The following FAM186A variants were observed in gnomAD, a reference collection of about 807,000 sequenced individuals.
FAM186A encodes protein FAM186A.
In FAM186A, 163 loss-of-function variants were observed where a neutral mutation model predicts 216.8. The observed-to-expected ratio is 0.75, with a 90% CI of 0.66 to 0.86. The LOEUF is 0.86. FAM186A is among the 40% of genes least tolerant of loss of function. The probability of loss-of-function intolerance (pLI) is 0.00; values close to 1 mark genes in which losing one functional copy is unlikely to be tolerated. For synonymous variants in FAM186A, 805 were observed against 1,025.3 expected (o/e 0.79, Z 4.10); for missense variants, 2,184 against 2,746.2 (o/e 0.80, Z 4.58).
Position 50,354,486 on chromosome 12 carries a change from C to A in FAM186A, c.2346G>T (p.Glu782Asp). 1 of 1,551,630 alleles carries A rather than the reference C, an allele frequency of 6.4e-7. No homozygotes were observed. Among genetic ancestry groups the A allele is most frequent in the Non-Finnish European group, 8.7e-7 (1 of 1,147,002 alleles). ...KSESSTLLSY[E>D]STDPVINNLI... Reference sequence around the variant, plus strand: ...AATTGTTAATTACTGGATCTGTGCTCTCATATGAGAGGAGGGTACTGCTTT... The same window carrying A: ...AATTGTTAATTACTGGATCTGTGCTATCATATGAGAGGAGGGTACTGCTTT... The change falls in exon 4 of 8, where the codon GAG (glutamate) becomes GAT (aspartate). Residue 782 changes from glutamate to aspartate, a missense_variant. By Grantham distance (45) the Glu-to-Asp change is conservative. Transcript: ENST00000327337.
At position 50,356,148 on chromosome 12, in the gene FAM186A, A is replaced by G. The variant is rs1244689376; in HGVS notation, c.684T>C (p.Leu228=). The G allele has an allele frequency of 6.4e-7, 1 of 1,551,644 alleles. No homozygotes were observed. Residue 228 remains leucine (L), a synonymous_variant, in exon 4 of 8, where the codon CTT becomes CTC. Coordinates refer to ENST00000327337, the MANE Select transcript of FAM186A (RefSeq NM_001145475.3). The part of the protein sequence containing the change: ...LRPDQMISDQ[L]ATNTKVSEIQ... ...TTTCTGAAACCTTTGTATTTGTTGC[A>G]AGTTGATCACTAATCATCTGATCTG...
chr12:50,338,235 CTT>C (rs1942729571), intron 4 of FAM186A, among the ~76,000 whole-genome samples: 1 of 152,152 alleles, frequency 6.6e-6, no homozygotes, highest in African/African-American at 2.4e-5. Context: ...GAGTTTCGCT[CTT>C]GTTGCCCAGG....
At chr12:50,366,873 G>A (rs552211917) in intron 1 of FAM186A, among the ~76,000 whole-genome samples, 1 of 152,052 alleles carries the variant, frequency 6.6e-6, no homozygotes, top group African/African-American at 2.4e-5. Flanking sequence ...TATCAGCCAG[G>A]TATGGTGGTG....
chr12:50,345,340 G>A (rs2138767774), intron 4 of FAM186A, among the ~76,000 whole-genome samples: 1 of 152,182 alleles, frequency 6.6e-6, no homozygotes, highest in South Asian at 2.1e-4. Flanking sequence ...GGAGGCAGAG[G>A]TTGCAGTGAG....
At chr12:50,375,658 A>C (rs1314865724) in intron 1 of FAM186A, among the ~76,000 whole-genome samples, 5 of 149,804 alleles carry the variant, frequency 3.3e-5, no homozygotes, top group African/African-American at 1.2e-4. Flanking sequence ...CAGAGATTGC[A>C]GTGAGCCGAG....
chr12:50,389,269 G>T (rs1052968841), intron 1 of FAM186A, among the ~76,000 whole-genome samples: 1 of 151,866 alleles, frequency 6.6e-6, no homozygotes, highest in Non-Finnish European at 1.5e-5. Flanking sequence ...GGGAGGCCGA[G>T]GTGGGTGGAT....
intron 1 of FAM186A, among the ~76,000 whole-genome samples, chr12:50,395,139 T>C (rs1467423453): frequency 6.6e-6 from 1 of 152,180 alleles, no homozygotes; most frequent in East Asian, 1.9e-4. Context: ...ATGTCACCCA[T>C]GCTGAGTGGG....
chr12:50,362,133 C>T (rs1432157575), intron 2 of FAM186A, among the ~76,000 whole-genome samples: 1 of 151,944 alleles, frequency 6.6e-6, no homozygotes, highest in Non-Finnish European at 1.5e-5. Context: ...CCGCCACACC[C>T]AGCTAATTTT....
Position 50,355,961 on chromosome 12 carries a change from C to CAT in FAM186A, c.869_870dup (p.Ala291MetfsTer14). 6 of 1,551,560 alleles carry CAT rather than the reference C, an allele frequency of 3.9e-6. No individual in the cohort carries two copies. The highest frequency in any genetic ancestry group is 4.4e-6 in the Non-Finnish European group (5 of 1,146,978). On this transcript the variant is annotated frameshift_variant, in exon 4 of 8. Transcript: ENST00000327337. LOFTEE classifies it high-confidence loss of function. ...TTTTCTGCTTCACTTGTCTCATGTG[C>CAT]ATACACAGTGGAACTTTGGAAGTTA... is the stretch of plus-strand genomic sequence containing the variant.
chr12:50,343,367 T>C (rs1266249517), intron 4 of FAM186A, among the ~76,000 whole-genome samples: 1 of 152,188 alleles, frequency 6.6e-6, no homozygotes, highest in Non-Finnish European at 1.5e-5. Flanking sequence ...CATGTGAAAA[T>C]AAAGTGCTCA....
chr12:50,356,261 A>C lies in FAM186A; in HGVS notation c.584-13T>G, dbSNP rs1017100409. On this transcript the variant is annotated splice_polypyrimidine_tract_variant and intron_variant, in intron 3 of 7. Transcript: ENST00000327337. ...GTACCTCTAGATACTGAAGAACAAA[A>C]CATAAAACAGTGAGATGGCATTTTT... The C allele has an allele frequency of 1.3e-6, 2 of 1,505,862 alleles. No homozygotes were observed. Among genetic ancestry groups the C allele is most frequent in the Non-Finnish European group, 1.8e-6 (2 of 1,130,632 alleles). The allele number at this position is 1,505,862 out of a possible 1,614,324, so 93.3% of individuals were successfully genotyped here.
chr12:50,346,763 C>T (rs937968511), intron 4 of FAM186A, among the ~76,000 whole-genome samples: 6 of 152,036 alleles, frequency 3.9e-5, no homozygotes, highest in Non-Finnish European at 5.9e-5. Flanking sequence ...AGGAGAATGG[C>T]GTGAATGCGG....
chr12:50,381,673 C>G (rs7309896), intron 1 of FAM186A, among the ~76,000 whole-genome samples: 146,293 of 152,338 alleles, frequency 0.96, 70,512 homozygotes, highest in East Asian at 1. Context: ...AAGTCAAAAA[C>G]TAATAGAGCC....
chr12:50,363,760 T>TAA (rs751989324), intron 1 of FAM186A, among the ~76,000 whole-genome samples: 66 of 26,750 alleles, frequency 2.5e-3, no homozygotes, highest in African/African-American at 3.8e-3. Context: ...CTGTAGCTGC[T>TAA]AAAAAAAAAA....
intron 1 of FAM186A, among the ~76,000 whole-genome samples, chr12:50,380,190 A>G (rs202174995): frequency 1.3e-5 from 2 of 152,216 alleles, no homozygotes; most frequent in African/African-American, 4.8e-5. Context: ...AACTTCACTT[A>G]GAAGAAGATA....
At chr12:50,388,776 G>A (rs948506635) in intron 1 of FAM186A, among the ~76,000 whole-genome samples, 5 of 151,880 alleles carry the variant, frequency 3.3e-5, no homozygotes, top group African/African-American at 1.2e-4. Flanking sequence ...ACAGTGCCTG[G>A]GCACAGTGGC....
At chr12:50,390,899 A>T (rs555155330) in intron 1 of FAM186A, among the ~76,000 whole-genome samples, 9 of 152,242 alleles carry the variant, frequency 5.9e-5, no homozygotes, top group African/African-American at 2.2e-4. Flanking sequence ...CATGTTGCCT[A>T]GGGTGGTCTC....
chr12:50,335,966 A>G (rs1942704063), intron 4 of FAM186A, among the ~76,000 whole-genome samples: 1 of 151,842 alleles, frequency 6.6e-6, no homozygotes, highest in South Asian at 2.1e-4. Flanking sequence ...TCTACTAAAA[A>G]ATACAAAAAT....
chr12:50,372,502 G>A (rs1461927722), intron 1 of FAM186A, among the ~76,000 whole-genome samples: 2 of 151,742 alleles, frequency 1.3e-5, no homozygotes, highest in African/African-American at 2.4e-5. Flanking sequence ...GCTGAGACAG[G>A]AGAATTGCTT....
Sources: gnomAD v4.1 joint callset for allele counts (sites outside exome capture counted in the v4.1 genomes callset) on GRCh38, gnomAD v4.1.1 for gene constraint, MANE v1.5 for transcripts, NCBI Gene and HGNC (gene_info 2026-07-23, HGNC 2026-07-21) for gene names.